DLG1: variants seen among roughly 807,000 people sequenced by gnomAD.
The protein encoded by DLG1 is discs large MAGUK scaffold protein 1.
DLG1 carries 42 observed loss-of-function variants against 123.4 expected under a neutral mutation model. The observed-to-expected ratio is 0.34, with a 90% CI of 0.27 to 0.44. The LOEUF (loss-of-function observed/expected upper bound fraction) is 0.44, where lower values mean the gene tolerates loss of function less well. Ranked by LOEUF, DLG1 falls within the 20% of genes least tolerant of loss-of-function variation. The pLI, the probability that DLG1 is intolerant of heterozygous loss-of-function variation, is 1.00. For missense variants in DLG1, 942 were observed against 1,082.6 expected (o/e 0.87, Z 1.82); for synonymous variants, 317 against 356.2 (o/e 0.89, Z 1.24).
intron 10 of DLG1, among the ~76,000 whole-genome samples, chr3:197,131,528 G>C (rs554363694): frequency 8.0e-4 from 120 of 149,150 alleles, no homozygotes; most frequent in African/African-American, 2.7e-3. Flanking sequence ...CAGGTTCCTA[G>C]GATAGTCTAT....
At chr3:197,127,071 A>C (rs1280006501) in intron 11 of DLG1, among the ~76,000 whole-genome samples, 1 of 152,088 alleles carries the variant, frequency 6.6e-6, no homozygotes, top group Non-Finnish European at 1.5e-5. Context: ...TTTTCCACCA[A>C]TACAAACACA....
chr3:197,138,507 C>CTCT, intron 8 of DLG1, 116 bp from the exon 9 acceptor site: 1 of 413,018 alleles, frequency 2.4e-6, no homozygotes, highest in Non-Finnish European at 3.7e-6. Context: ...ATAAATAATT[C>CTCT]TGGAGTAATT....
At chr3:197,223,447 T>C (rs1391055326) in intron 4 of DLG1, among the ~76,000 whole-genome samples, 2 of 152,216 alleles carry the variant, frequency 1.3e-5, no homozygotes, top group Admixed American at 6.5e-5. Flanking sequence ...TCTAGTCCCA[T>C]AGAAAACTGA....
At chr3:197,050,659 A>G (rs1319422185) in intron 24 of DLG1, among the ~76,000 whole-genome samples, 1 of 152,198 alleles carries the variant, frequency 6.6e-6, no homozygotes, top group Non-Finnish European at 1.5e-5. Context: ...GTTTCCAGGG[A>G]CTGCAGAGTA....
intron 11 of DLG1, among the ~76,000 whole-genome samples, chr3:197,128,195 C>A (rs977106605): frequency 2.6e-5 from 4 of 152,190 alleles, no homozygotes; most frequent in Non-Finnish European, 5.9e-5. Flanking sequence ...TCTCTTAAAC[C>A]CTACTGCTGC....
chr3:197,237,750 T>C (rs1318934176), intron 4 of DLG1, among the ~76,000 whole-genome samples: 1 of 152,136 alleles, frequency 6.6e-6, no homozygotes, highest in Non-Finnish European at 1.5e-5. Flanking sequence ...GAGACGGGAT[T>C]TTCCCCACTA....
At chr3:197,214,094 T>C (rs1418110073) in intron 4 of DLG1, among the ~76,000 whole-genome samples, 1 of 152,144 alleles carries the variant, frequency 6.6e-6, no homozygotes, top group Non-Finnish European at 1.5e-5. Context: ...AAGAATAATA[T>C]TTTAAATCAG....
At chr3:197,234,315 A>G (rs10489880) in intron 4 of DLG1, among the ~76,000 whole-genome samples, 36,914 of 152,194 alleles carry the variant, frequency 0.24, 5,659 homozygotes, top group East Asian at 0.71. Flanking sequence ...TCTCAAACCA[A>G]ATTGAGTGTA....
intron 16 of DLG1, among the ~76,000 whole-genome samples, chr3:197,082,785 G>T (rs3773843): frequency 0.7 from 106,560 of 152,062 alleles, 37,563 homozygotes; most frequent in East Asian, 0.81. Flanking sequence ...ACTCATGAAT[G>T]TGGAAATTGG....
Position 197,119,549 on chromosome 3 carries a change from GA to G in DLG1, c.1166-20del. ...GAAGAAGCTTCAAAATAAACAAAGTGAAAAATACTTCAAACACGAAACAAGC... is the reference window on the plus strand; with the variant it reads ...GAAGAAGCTTCAAAATAAACAAAGTGAAAATACTTCAAACACGAAACAAGC... On this transcript the variant is annotated intron_variant, in intron 11 of 24. Transcript: ENST00000667157. The G allele has an allele frequency of 6.3e-7, 1 of 1,589,528 alleles. No homozygotes were observed.
intron 3 of DLG1, among the ~76,000 whole-genome samples, chr3:197,295,217 T>C (rs1776838692): frequency 6.6e-6 from 1 of 152,182 alleles, no homozygotes; most frequent in Non-Finnish European, 1.5e-5. Flanking sequence ...TCTATTAAAA[T>C]GTTACATTTT....
intron 4 of DLG1, among the ~76,000 whole-genome samples, chr3:197,235,563 C>A (rs186609172): frequency 1.3e-5 from 2 of 152,172 alleles, no homozygotes; most frequent in African/African-American, 4.8e-5. Context: ...AGCATTAAGG[C>A]TAAGCTGGCC....
At chr3:197,237,805 C>T (rs1746792758) in intron 4 of DLG1, among the ~76,000 whole-genome samples, 1 of 152,196 alleles carries the variant, frequency 6.6e-6, no homozygotes, top group Admixed American at 6.5e-5. Flanking sequence ...CATACTGTCA[C>T]ATGAGGAGCA....
rs1266438257 is a variant in DLG1 at position 197,043,726 on chromosome 3, C to T, written c.*897G>A. ...GGGTAAAATATTCAGTAAAATCTGA[C>T]TCCTAAGAATACATTTGAAGTTTTA... On this transcript the variant is annotated 3_prime_UTR_variant, in exon 25 of 25. Transcript: ENST00000667157. 6.6e-6 allele frequency: 1 copy of T among 151,786 alleles called. No individual in the cohort carries two copies. Among genetic ancestry groups the T allele is most frequent in the Non-Finnish European group, 1.5e-5 (1 of 67,936 alleles). The allele number at this position is 151,786 out of a possible 1,614,324, so 9.4% of individuals were successfully genotyped here.
chr3:197,074,638 T>C (rs1387958569), intron 18 of DLG1, among the ~76,000 whole-genome samples: 1 of 152,084 alleles, frequency 6.6e-6, no homozygotes, highest in Non-Finnish European at 1.5e-5. Context: ...TTGATAATTT[T>C]CCCCAAATGT....
At chr3:197,089,531 A>C (rs909768106) in intron 15 of DLG1, among the ~76,000 whole-genome samples, 12 of 151,790 alleles carry the variant, frequency 7.9e-5, no homozygotes, top group Admixed American at 3.9e-4. Context: ...TGTCTTTAAA[A>C]AAAAAAAAAA....
At chr3:197,133,455 T>C (rs749237823) in intron 10 of DLG1, among the ~76,000 whole-genome samples, 2 of 152,220 alleles carry the variant, frequency 1.3e-5, no homozygotes, top group Admixed American at 1.3e-4. Flanking sequence ...ATCTGCAGAA[T>C]TGTAAACAAA....
chr3:197,068,065 AG>A (rs1416895124), intron 19 of DLG1, among the ~76,000 whole-genome samples: 1 of 152,234 alleles, frequency 6.6e-6, no homozygotes, highest in African/African-American at 2.4e-5. Flanking sequence ...ATGTAGCTGT[AG>A]GTCTTTTAAA....
At chr3:197,166,899 A>G (rs977536281) in intron 5 of DLG1, among the ~76,000 whole-genome samples, 5 of 151,376 alleles carry the variant, frequency 3.3e-5, no homozygotes, top group African/African-American at 4.9e-5. Context: ...TCTCGGGGGG[A>G]AAAAAACCAC....
Sources: allele counts gnomAD v4.1 joint callset (sites outside exome capture counted in the v4.1 genomes callset), GRCh38; gene constraint gnomAD v4.1.1; transcripts MANE v1.5; gene names NCBI Gene and HGNC (gene_info 2026-07-23, HGNC 2026-07-21).